Variants in USP5 observed in about 807,000 individuals in gnomAD.
USP5 encodes ubiquitin carboxyl-terminal hydrolase 5.
In USP5, 24 loss-of-function variants were observed where a neutral mutation model predicts 102.5. The ratio of observed to expected loss-of-function variants is 0.23; its 90% CI spans 0.17 to 0.33. USP5 has a LOEUF of 0.33. USP5 is among the 10% of genes least tolerant of loss of function. The pLI, the probability that USP5 is intolerant of heterozygous loss-of-function variation, is 1.00. For synonymous variants in USP5, 460 were observed against 434.8 expected (o/e 1.06, Z -0.72); for missense variants, 753 against 1,122.1 (o/e 0.67, Z 4.70).
intron 18 of USP5, 127 bp from the exon 19 acceptor site, chr12:6,865,037 G>A (rs1944394414): frequency 7.7e-7 from 1 of 1,292,734 alleles, no homozygotes; most frequent in Admixed American, 2.1e-5. Context: ...GACAGGCTCT[G>A]GCCCAGTACC....
chr12:6,855,171 GCCCCCTGATGTC>G lies in USP5; in HGVS notation c.112-228_112-217del, dbSNP rs1944070170. ...GGCGACGATGAGCTGGTGTTCCTCAGCCCCCTGATGTCCTTGTTGGTTGTTATCAAAGTCATG... is the reference window on the plus strand; with the variant it reads ...GGCGACGATGAGCTGGTGTTCCTCAGCTTGTTGGTTGTTATCAAAGTCATG... On this transcript the variant is annotated intron_variant, in intron 1 of 19. Transcript: ENST00000229268. This position sits in a 1 kb window ranked among gnomAD's most constrained non-coding sequence, Gnocchi z 4.6. 6.6e-6 allele frequency among the ~76,000 whole-genome samples: 1 copy of G among 152,186 alleles called. No individual in the cohort carries two copies. Among genetic ancestry groups the G allele is most frequent in the Non-Finnish European group, 1.5e-5 (1 of 68,036 alleles).
At position 6,861,522 on chromosome 12, in the gene USP5, G is replaced by C. The variant is rs1555129565; in HGVS notation, c.1578G>C (p.Gln526His). 5.0e-6 allele frequency: 8 copies of C among 1,602,258 alleles called. No homozygotes were observed. The highest frequency in any genetic ancestry group is 6.8e-6 in the Non-Finnish European group (8 of 1,170,402). The change falls in exon 13 of 20, where the codon CAG becomes CAC. Residue 526 changes from glutamine to histidine, a missense_variant. By Grantham distance (24) the Gln-to-His change is conservative. This residue lies in a region of USP5 where 527 missense variants were observed against 816.5 expected (regional missense o/e 0.65). Coordinates refer to ENST00000229268, the MANE Select transcript of USP5 (RefSeq NM_001098536.2). This position sits in a 1 kb window ranked among gnomAD's most constrained non-coding sequence, Gnocchi z 4.9. ...KMALPELVRA[Q>H]VPFSSCLEAY... is the part of the protein sequence containing the mutation. The stretch of plus-strand genomic sequence containing the variant: ...CACTGCCAGAACTGGTTCGGGCCCA[G>C]GTGCCCTTCAGCTCTTGCCTGGAGG...
Position 6,856,682 on chromosome 12 carries a change from G to A in USP5, c.585-25G>A. On this transcript the variant is annotated intron_variant, in intron 5 of 19. Coordinates refer to ENST00000229268, the MANE Select transcript of USP5 (RefSeq NM_001098536.2). This position sits in a 1 kb window ranked among gnomAD's most constrained non-coding sequence, Gnocchi z 5.6. The stretch of plus-strand genomic sequence containing the variant: ...CCTCAAATCCCCGACCCACATTTCT[G>A]CTGATTCTCTTCTCTGTGGGTTAGT... The A allele has an allele frequency of 6.2e-7, 1 of 1,612,036 alleles. No homozygotes were observed. Among genetic ancestry groups the A allele is most frequent in the Non-Finnish European group, 8.5e-7 (1 of 1,178,994 alleles).
rs540692865 is a variant in USP5 at position 6,865,940 on chromosome 12, A to G, written c.2484-44A>G. The G allele has an allele frequency of 1.3e-5, 20 of 1,558,208 alleles. No individual in the cohort carries two copies. The South Asian group carries it at 2.2e-4, about 17-fold the overall frequency. On this transcript the variant is annotated intron_variant, in intron 19 of 19. Transcript: ENST00000229268. ...GAGAGACTACATGATGCCACTTTGA[A>G]TGCCCAGTTTGTTCATCCTTTTCTG...
rs1565534724 is a variant in USP5, at chr12:6,865,152, C to G, written c.2399-12C>G. ...TCTGTTTCCTTCTCTGACCCCCTCT[C>G]TCCTTTCCTAGAGTATCAGCTCTTT... On this transcript the variant is annotated splice_polypyrimidine_tract_variant and intron_variant, in intron 18 of 19. Transcript: ENST00000229268. 2.5e-6 allele frequency: 4 copies of G among 1,608,618 alleles called. No individual in the cohort carries two copies. In the South Asian group the frequency reaches 3.3e-5, roughly 13 times the overall value.
chr12:6,856,644 C>T lies in USP5; in HGVS notation c.585-63C>T, dbSNP rs1944122526. The T allele has an allele frequency of 6.3e-7, 1 of 1,584,894 alleles. No individual in the cohort carries two copies. Among genetic ancestry groups the T allele is most frequent in the South Asian group, 1.1e-5 (1 of 87,604 alleles). On this transcript the variant is annotated intron_variant, in intron 5 of 19. Transcript: ENST00000229268. This position sits in a 1 kb window ranked among gnomAD's most constrained non-coding sequence, Gnocchi z 5.6. ...TGGCGGGGGGCCTGCAGAGCCCTCT[C>T]TCTCTGCCACTCCCTCAAATCCCCG...
chr12:6,858,925 C>G lies in USP5; in HGVS notation c.1058+308C>G, dbSNP rs1944195585. ...GCTGTGAGGGGAGCAAGTTAGGGAGCTGCACCACCAGCACCCCAACACACA... is the reference window on the plus strand; with the variant it reads ...GCTGTGAGGGGAGCAAGTTAGGGAGGTGCACCACCAGCACCCCAACACACA... On this transcript the variant is annotated intron_variant, in intron 8 of 19. Coordinates refer to ENST00000229268, the MANE Select transcript of USP5 (RefSeq NM_001098536.2). The surrounding 1 kb of genome is among the most constrained non-coding windows in gnomAD (Gnocchi z 4.2). 3.8e-6 allele frequency: 1 copy of G among 266,590 alleles called. No individual in the cohort carries two copies. Among genetic ancestry groups the G allele is most frequent in the African/African-American group, 2.1e-5 (1 of 46,988 alleles). 16.5% of individuals were successfully genotyped at this position (266,590 alleles called of 1,614,324 possible). A position where few individuals can be genotyped will look rare whatever the true frequency, so the allele number is the denominator to read the frequency against.
chr12:6,864,050 A>AT lies in USP5; in HGVS notation c.2103dup (p.Ala702CysfsTer10). 6.2e-7 allele frequency: 1 copy of AT among 1,602,304 alleles called. No homozygotes were observed. ...CACATCAACCCCTTCACATCCACAG[A>AT]TTTTGCAAACCCCCTCATCCTGCCT... On this transcript the variant is annotated frameshift_variant and splice_region_variant, in exon 17 of 20. Transcript: ENST00000229268. LOFTEE classifies it high-confidence loss of function. The surrounding 1 kb of genome is among the most constrained non-coding windows in gnomAD (Gnocchi z 4.8).
intron 1 of USP5, among the ~76,000 whole-genome samples, chr12:6,854,161 G>A (rs1555127680): frequency 6.6e-6 from 1 of 152,234 alleles, no homozygotes; most frequent in Non-Finnish European, 1.5e-5. Context: ...GTTTTCACGG[G>A]TTATGTGTGT....
rs1944127034 is a variant in USP5 at position 6,856,791 on chromosome 12, C to A, written c.669C>A (p.Tyr223Ter). 1.2e-6 allele frequency: 2 copies of A among 1,614,166 alleles called. No homozygotes were observed. The highest frequency in any genetic ancestry group is 8.5e-7 in the Non-Finnish European group (1 of 1,180,028). Residue 223 changes from tyrosine to a stop codon, truncating the protein, a stop_gained, in exon 6 of 20, where the codon TAC becomes TAA. Transcript: ENST00000229268. LOFTEE classifies it high-confidence loss of function. The surrounding 1 kb of genome is among the most constrained non-coding windows in gnomAD (Gnocchi z 5.6). Reference protein sequence around the residue: ...TDGSILCGRRYFDGSGGNNHA... With the variant: ...TDGSILCGRR The stretch of plus-strand genomic sequence containing the variant: ...GCTCCATCCTCTGTGGGCGACGCTA[C>A]TTCGATGGCAGTGGGGGCAACAACC...
At chr12:6,857,583 A>T in intron 6 of USP5, 46 bp from the exon 7 acceptor site, 1 of 1,539,940 alleles carries the variant, frequency 6.5e-7, no homozygotes, top group Non-Finnish European at 9.0e-7. Context: ...TGGCCTGGCT[A>T]GTCCTGAGCC....
rs1319801917 is a variant in USP5 at position 6,860,609 on chromosome 12, T to C, written c.1344+118T>C. 15 of 1,523,248 alleles carry C rather than the reference T, an allele frequency of 9.8e-6. No individual in the cohort carries two copies. The highest frequency in any genetic ancestry group is 9.8e-6 in the Non-Finnish European group (11 of 1,127,166). 94.4% of individuals were successfully genotyped at this position (1,523,248 alleles called of 1,614,324 possible). ...CCCATCCCTGAACCCCAACAGTCTG[T>C]GTCCCTGTGAACAGTGCTTGCACCT... On this transcript the variant is annotated intron_variant, in intron 11 of 19. Coordinates refer to ENST00000229268, the MANE Select transcript of USP5 (RefSeq NM_001098536.2). The surrounding 1 kb of genome is among the most constrained non-coding windows in gnomAD (Gnocchi z 5.5).
In USP5 at chr12:6,860,643, C is replaced by T; in HGVS notation, c.1344+152C>T. 7.4e-7 allele frequency: 1 copy of T among 1,358,580 alleles called. No homozygotes were observed. Among genetic ancestry groups the T allele is most frequent in the Non-Finnish European group, 1.0e-6 (1 of 996,856 alleles). 84.2% of individuals were successfully genotyped at this position (1,358,580 alleles called of 1,614,324 possible). ...GAACAGTGCTTGCACCTGAGGAGGA[C>T]AGTGAAGGTGATGATCCCTACCCTT... On this transcript the variant is annotated intron_variant, in intron 11 of 19. Coordinates refer to ENST00000229268, the MANE Select transcript of USP5 (RefSeq NM_001098536.2). The surrounding 1 kb of genome is among the most constrained non-coding windows in gnomAD (Gnocchi z 5.5).
intron 1 of USP5, among the ~76,000 whole-genome samples, chr12:6,853,191 C>G (rs1365966786): frequency 6.6e-6 from 1 of 152,214 alleles, no homozygotes; most frequent in South Asian, 2.1e-4. Flanking sequence ...GATCCGCCCC[C>G]CTCACCACCC....
Position 6,858,397 on chromosome 12 carries a change from C to CA in USP5, c.865-26dup, listed in dbSNP as rs782792432. ...AAACTACAGGGTTGAGTTTCTCACT[C>CA]AGTCTGAAGTGCCCCTTCTCACACA... is the stretch of plus-strand genomic sequence containing the variant. On this transcript the variant is annotated intron_variant, in intron 7 of 19. Transcript: ENST00000229268. This position sits in a 1 kb window ranked among gnomAD's most constrained non-coding sequence, Gnocchi z 4.2. 5 of 1,586,320 alleles carry CA rather than the reference C, an allele frequency of 3.2e-6. No individual in the cohort carries two copies. The Admixed American group carries it at 6.7e-5, about 21-fold the overall frequency.
Position 6,860,302 on chromosome 12 carries a change from G to A in USP5, c.1218+64G>A. The A allele has an allele frequency of 1.2e-6, 2 of 1,613,054 alleles. No individual in the cohort carries two copies. The highest frequency in any genetic ancestry group is 1.7e-6 in the Non-Finnish European group (2 of 1,179,196). ...GTGGGGAAGCTGAGGTCTGGGAGAT[G>A]TCTAAAGAAGGCCCCTGGATGGCCA... is the stretch of plus-strand genomic sequence containing the variant. On this transcript the variant is annotated intron_variant, in intron 10 of 19. Transcript: ENST00000229268. This position sits in a 1 kb window ranked among gnomAD's most constrained non-coding sequence, Gnocchi z 5.5.
chr12:6,857,291 CA>C, intron 6 of USP5: 1 of 321,068 alleles, frequency 3.1e-6, no homozygotes, highest in Non-Finnish European at 5.8e-6. Context: ...GACCCTGTCT[CA>C]AAAAAGGAAA....
Position 6,858,549 on chromosome 12 carries a change from C to A in USP5, c.990C>A (p.Asn330Lys). 6.2e-7 allele frequency: 1 copy of A among 1,613,844 alleles called. No individual in the cohort carries two copies. Among genetic ancestry groups the A allele is most frequent in the Non-Finnish European group, 8.5e-7 (1 of 1,179,710 alleles). Residue 330 changes from asparagine to lysine, a missense_variant, in exon 8 of 20, where the codon AAC (asparagine) becomes AAA (lysine). Asn to Lys is a moderately conservative substitution (Grantham distance 94, BLOSUM62 0). Coordinates refer to ENST00000229268, the MANE Select transcript of USP5 (RefSeq NM_001098536.2). The surrounding 1 kb of genome is among the most constrained non-coding windows in gnomAD (Gnocchi z 4.2). ...LFGPGYTGIR[N>K]LGNSCYLNSV... ...GGCCTGGCTACACAGGCATCCGGAACCTGGGTAACAGCTGCTACCTCAACT... is the reference window on the plus strand; with the variant it reads ...GGCCTGGCTACACAGGCATCCGGAAACTGGGTAACAGCTGCTACCTCAACT...
chr12:6,865,256 C>T lies in USP5; in HGVS notation c.2483+8C>T. The T allele has an allele frequency of 6.2e-7, 1 of 1,611,788 alleles. No homozygotes were observed. Among genetic ancestry groups the T allele is most frequent in the Non-Finnish European group, 8.5e-7 (1 of 1,178,026 alleles). On this transcript the variant is annotated splice_region_variant and intron_variant, in intron 19 of 19. Transcript: ENST00000229268. ...CATCAAGAAAGAAGGCAGGTGAGTG[C>T]TGGCCACATGCGTTTTGAATGGAGA...
Sources: gnomAD v4.1 joint callset for allele counts (sites outside exome capture counted in the v4.1 genomes callset) on GRCh38, gnomAD v4.1.1 for gene constraint, gnomAD v4.1.1 regional missense constraint, Gnocchi (gnomAD v3.1) non-coding constraint, MANE v1.5 for transcripts, NCBI Gene and HGNC (gene_info 2026-07-23, HGNC 2026-07-21) for gene names.